The following ANKRD53 variants were observed in gnomAD, a reference collection of about 807,000 sequenced individuals.
The protein encoded by ANKRD53 is ankyrin repeat domain-containing protein 53.
ANKRD53 carries 27 observed loss-of-function variants against 30.1 expected under a neutral mutation model. The observed-to-expected ratio is 0.90, with a 90% confidence interval of 0.66 to 1.24. The LOEUF (loss-of-function observed/expected upper bound fraction) is 1.24. Ranked by LOEUF, ANKRD53 falls within the 50% of genes most tolerant of loss-of-function variation. The pLI is 0.00. For synonymous variants in ANKRD53, 286 were observed against 295.4 expected (o/e 0.97, Z 0.33); for missense variants, 682 against 721.0 (o/e 0.95, Z 0.62).
chr2:70,979,684 C>T lies in ANKRD53; in HGVS notation c.441C>T (p.Ala147=), dbSNP rs373055320. The T allele has an allele frequency of 1.5e-5, 24 of 1,613,800 alleles. No homozygotes were observed. Among genetic ancestry groups the T allele is most frequent in the South Asian group, 6.6e-5 (6 of 91,034 alleles). The part of the protein sequence containing the change: ...DDKGFTAIHF[A]AQWGKLACLQ... ...AGGGCTTCACTGCCATCCACTTCGC[C>T]GCCCAATGGGGCAAGCTTGCATGCC... Residue 147 remains alanine, a synonymous_variant, in exon 3 of 6, where the codon GCC becomes GCT. Coordinates refer to ENST00000360589, the MANE Select transcript of ANKRD53 (RefSeq NM_001115116.2).
Position 70,985,244 on chromosome 2 carries a change from G to A in ANKRD53, c.1537G>A (p.Ala513Thr). The change falls in exon 6 of 6, where the codon GCT (alanine) becomes ACT (threonine). Residue 513 changes from alanine (A) to threonine (T), a missense_variant. Transcript: ENST00000360589. ...CACATTCGATGAAGCCTTCCTGGCA[G>A]CTGTGCGATCTCATCAAGGACTCCC... ...RDTFDEAFLA[A>T]VRSHQGLPTL... is the part of the protein sequence containing the mutation. 6.4e-7 allele frequency: 1 copy of A among 1,551,160 alleles called. No individual in the cohort carries two copies. Among genetic ancestry groups the A allele is most frequent in the Non-Finnish European group, 8.7e-7 (1 of 1,147,022 alleles).
At position 70,984,935 on chromosome 2, in the gene ANKRD53, G is replaced by C. The variant is rs527399981; in HGVS notation, c.1228G>C (p.Val410Leu). 1 of 1,550,754 alleles carries C rather than the reference G, an allele frequency of 6.4e-7. No homozygotes were observed. ...ISHSQGIRLG[V>L]HPDPTPEHDF... ...CCACTCGCAGGGCATCCGCCTGGGC[G>C]TGCATCCAGACCCCACTCCGGAGCA... Residue 410 changes from valine (V) to leucine (L), a missense_variant, in exon 6 of 6, where the codon GTG (valine) becomes CTG (leucine). By Grantham distance (32) the Val-to-Leu change is conservative (BLOSUM62 1). Coordinates refer to ENST00000360589, the MANE Select transcript of ANKRD53 (RefSeq NM_001115116.2).
intron 3 of ANKRD53, among the ~76,000 whole-genome samples, chr2:70,980,933 G>T (rs1232609330): frequency 6.6e-6 from 1 of 151,994 alleles, no homozygotes; most frequent in Non-Finnish European, 1.5e-5. Context: ...GCGACAGAGC[G>T]AGACTCCGTC....
intron 3 of ANKRD53, among the ~76,000 whole-genome samples, chr2:70,980,936 A>G (rs1669992564): frequency 1.3e-5 from 2 of 151,904 alleles, no homozygotes; most frequent in African/African-American, 4.8e-5. Flanking sequence ...ACAGAGCGAG[A>G]CTCCGTCTAA....
intron 5 of ANKRD53, 114 bp from the exon 6 acceptor site, chr2:70,984,474 CTTTCCCTCCCATCAGACTCAGAG>C (rs1670110186): frequency 6.6e-7 from 1 of 1,525,402 alleles, no homozygotes. Flanking sequence ...CAGACTCAGA[CTTTCCCTCCCATCAGACTCAGAG>C]TTTCCCTCAT....
chr2:70,985,138 C>T lies in ANKRD53; in HGVS notation c.1431C>T (p.Ile477=). The part of the protein sequence containing the change: ...RMKVPQGFYP[I]SMREVPRKRH... ...AGGTGCCCCAGGGCTTTTACCCCATCAGCATGAGGGAAGTGCCCAGGAAGC... is the reference window on the plus strand; with the variant it reads ...AGGTGCCCCAGGGCTTTTACCCCATTAGCATGAGGGAAGTGCCCAGGAAGC... The change falls in exon 6 of 6, where the codon ATC becomes ATT. Residue 477 remains isoleucine, a synonymous_variant. Coordinates refer to ENST00000360589, the MANE Select transcript of ANKRD53 (RefSeq NM_001115116.2). 1 of 1,551,242 alleles carries T rather than the reference C, an allele frequency of 6.4e-7. No homozygotes were observed. Among genetic ancestry groups the T allele is most frequent in the South Asian group, 1.2e-5 (1 of 84,028 alleles).
chr2:70,978,563 T>C (rs1217627199), upstream of ANKRD53: 4 of 1,376,150 alleles, frequency 2.9e-6, no homozygotes, highest in African/African-American at 4.6e-5. The surrounding 1 kb of genome is among the most constrained non-coding windows in gnomAD (Gnocchi z 4.3). Flanking sequence ...CGCGGCCAGC[T>C]GGCAAGGAGT....
chr2:70,981,191 A>G (rs915699912), intron 3 of ANKRD53, among the ~76,000 whole-genome samples: 9 of 152,260 alleles, frequency 5.9e-5, no homozygotes, highest in African/African-American at 2.2e-4. Flanking sequence ...GCATTCATTC[A>G]AAGTATCAAG....
intron 2 of ANKRD53, 49 bp from the exon 3 acceptor site, chr2:70,979,612 G>A: frequency 6.4e-7 from 1 of 1,569,764 alleles, no homozygotes; most frequent in Non-Finnish European, 8.7e-7. Context: ...TGTGGACCCT[G>A]GGACCTCAGT....
rs143122611 is a variant in ANKRD53 at position 70,979,186 on chromosome 2, G to T, written c.260G>T (p.Arg87Leu). The stretch of plus-strand genomic sequence containing the variant: ...CGCCCTGCCTCGCTCACCCCGCCCC[G>T]CGCTGACCCCAGCCCCAGCAAGGAG... ...PRRPASLTPP[R>L]ADPSPSKESD... Residue 87 changes from arginine to leucine, a missense_variant, in exon 2 of 6, where the codon CGC (arginine) becomes CTC (leucine). Coordinates refer to ENST00000360589, the MANE Select transcript of ANKRD53 (RefSeq NM_001115116.2). 6.2e-7 allele frequency: 1 copy of T among 1,607,632 alleles called. No individual in the cohort carries two copies. Among genetic ancestry groups the T allele is most frequent in the African/African-American group, 1.3e-5 (1 of 74,660 alleles).
chr2:70,985,395 C>A lies in ANKRD53; in HGVS notation c.*95C>A. The A allele has an allele frequency of 8.4e-7, 1 of 1,195,126 alleles. No homozygotes were observed. Among genetic ancestry groups the A allele is most frequent in the Non-Finnish European group, 1.2e-6 (1 of 857,908 alleles). 74.0% of individuals were successfully genotyped at this position (1,195,126 alleles called of 1,614,324 possible). A position where few individuals can be genotyped will look rare whatever the true frequency, so the allele number is the denominator to read the frequency against. ...GTGGCGAGGAAAGGGGGAGGGGTGC[C>A]TATGGGCTTCCCACTCCCAAGCTCG... On this transcript the variant is annotated 3_prime_UTR_variant, in exon 6 of 6. Coordinates refer to ENST00000360589, the MANE Select transcript of ANKRD53 (RefSeq NM_001115116.2).
intron 5 of ANKRD53, 185 bp from the exon 6 acceptor site, chr2:70,984,426 C>G (rs182796535): frequency 1.0e-6 from 1 of 985,334 alleles, no homozygotes; most frequent in Non-Finnish European, 1.2e-6. Flanking sequence ...TCTCCCCCAT[C>G]GGAACACCGG....
rs782335273 is a variant in ANKRD53, at chr2:70,978,760, G to C, written c.115G>C (p.Ala39Pro). The C allele has an allele frequency of 5.1e-6, 8 of 1,569,242 alleles. No homozygotes were observed. In the African/African-American group the frequency reaches 9.5e-5, roughly 19 times the overall value. Residue 39 changes from alanine to proline, a missense_variant, in exon 1 of 6, where the codon GCG (alanine) becomes CCG (proline). Ala to Pro is a conservative substitution (Grantham distance 27). Coordinates refer to ENST00000360589, the MANE Select transcript of ANKRD53 (RefSeq NM_001115116.2). This position sits in a 1 kb window ranked among gnomAD's most constrained non-coding sequence, Gnocchi z 4.3. ...AACTCCAAGTGGCTCCATGCAGCAGGCGAACAAAGTCTCCTTGAAGGCCAC... is the reference window on the plus strand; with the variant it reads ...AACTCCAAGTGGCTCCATGCAGCAGCCGAACAAAGTCTCCTTGAAGGCCAC... Reference protein sequence around the residue: ...QPTPSGSMQQANKVSLKATWT... With the variant: ...QPTPSGSMQQPNKVSLKATWT...
intron 1 of ANKRD53, 26 bp from the exon 2 acceptor site, chr2:70,979,071 C>A: frequency 6.4e-7 from 1 of 1,550,876 alleles, no homozygotes; most frequent in South Asian, 1.2e-5. Flanking sequence ...GGCCCAGAGT[C>A]GCTTCCCCAC....
Position 70,978,909 on chromosome 2 carries a change from GGCT to G in ANKRD53, c.170+97_170+99del. 1 of 1,460,200 alleles carries G rather than the reference GGCT, an allele frequency of 6.8e-7. No individual in the cohort carries two copies. Among genetic ancestry groups the G allele is most frequent in the South Asian group, 1.4e-5 (1 of 70,870 alleles). The allele number at this position is 1,460,200 out of a possible 1,614,324, so 90.5% of individuals were successfully genotyped here. ...AGGGCCTGGAGCGGGCGGGGGCGGA[GGCT>G]GCGGCCCGAGAAGCCAGCAGAGACA... is the stretch of plus-strand genomic sequence containing the variant. On this transcript the variant is annotated intron_variant, in intron 1 of 5. Transcript: ENST00000360589. This position sits in a 1 kb window ranked among gnomAD's most constrained non-coding sequence, Gnocchi z 4.3.
intron 5 of ANKRD53, chr2:70,984,352 C>T (rs1314809822): frequency 3.0e-5 from 48 of 1,599,206 alleles, no homozygotes; most frequent in Non-Finnish European, 3.8e-5. Context: ...ATTGGAGATC[C>T]CCCCTTTGGG....
Position 70,984,712 on chromosome 2 carries a change from C to T in ANKRD53, c.1005C>T (p.Ala335=). The change falls in exon 6 of 6, where the codon GCC becomes GCT. Residue 335 remains alanine, a synonymous_variant. Transcript: ENST00000360589. ...SLVSNTKQAR[A]TALSKTPEQR... is the part of the protein sequence containing the mutation. ...TCTCCAATACCAAGCAAGCCCGGGC[C>T]ACCGCCCTCTCCAAGACCCCAGAGC... 6.2e-7 allele frequency: 1 copy of T among 1,611,662 alleles called. No homozygotes were observed. Among genetic ancestry groups the T allele is most frequent in the South Asian group, 1.1e-5 (1 of 90,926 alleles).
chr2:70,981,104 T>C (rs977089825), intron 3 of ANKRD53, among the ~76,000 whole-genome samples: 1 of 152,198 alleles, frequency 6.6e-6, no homozygotes, highest in East Asian at 1.9e-4. Flanking sequence ...TGTCTTCAAC[T>C]GAAACTTGGG....
chr2:70,980,209 G>A lies in ANKRD53; in HGVS notation c.617+349G>A, dbSNP rs569969985. 3.2e-3 allele frequency among the ~76,000 whole-genome samples: 493 copies of A among 152,218 alleles called. 4 individuals are homozygous for A. The highest frequency in any genetic ancestry group is 0.011 in the African/African-American group (477 of 41,516). On this transcript the variant is annotated intron_variant, in intron 3 of 5. Coordinates refer to ENST00000360589, the MANE Select transcript of ANKRD53 (RefSeq NM_001115116.2). The stretch of plus-strand genomic sequence containing the variant: ...GCATGCCTGTAATCCCAGCTATTCG[G>A]GAGGCTGAGGCAGGAGAATTGCTTG...
Sources: gnomAD v4.1 joint callset for allele counts (sites outside exome capture counted in the v4.1 genomes callset) on GRCh38, gnomAD v4.1.1 for gene constraint, Gnocchi (gnomAD v3.1) non-coding constraint, MANE v1.5 for transcripts, NCBI Gene and HGNC (gene_info 2026-07-23, HGNC 2026-07-21) for gene names.